SPATA6: variants seen among roughly 807,000 people sequenced by gnomAD.
SPATA6 encodes spermatogenesis associated 6.
SPATA6 carries 56 observed loss-of-function variants against 65.3 expected under a neutral mutation model. The observed-to-expected ratio is 0.86, with a 90% CI of 0.69 to 1.07. The LOEUF (loss-of-function observed/expected upper bound fraction) is 1.07, where lower values mean the gene tolerates loss of function less well. Among genes scored for constraint, SPATA6 ranks in the 50% least tolerant of loss-of-function variants. The pLI is 0.00. For missense variants in SPATA6, 590 were observed against 594.8 expected, an observed-to-expected ratio of 0.99 and a Z score of 0.08; for synonymous variants, 199 against 213.2, an observed-to-expected ratio of 0.93 and a Z score of 0.58.
At chr1:48,460,464 G>C (rs565642304) in intron 1 of SPATA6, among the ~76,000 whole-genome samples, 42 of 152,064 alleles carry the variant, frequency 2.8e-4, no homozygotes, top group Non-Finnish European at 5.7e-4. Flanking sequence ...AAACATACTT[G>C]ACACTGAAAG....
intron 8 of SPATA6, 101 bp from the exon 9 acceptor site, chr1:48,385,450 TCA>T (rs1649365291): frequency 1.0e-6 from 1 of 1,002,838 alleles, no homozygotes; most frequent in African/African-American, 1.7e-5. Flanking sequence ...TCAGAATATT[TCA>T]GAGATACTTC....
At chr1:48,388,966 A>G (rs911862941) in intron 8 of SPATA6, among the ~76,000 whole-genome samples, 7 of 151,794 alleles carry the variant, frequency 4.6e-5, no homozygotes, top group African/African-American at 1.5e-4. Flanking sequence ...GCTCATTGCA[A>G]TCTCTGTCTC....
At chr1:48,422,290 G>T (rs1413899015) in intron 3 of SPATA6, among the ~76,000 whole-genome samples, 1 of 152,166 alleles carries the variant, frequency 6.6e-6, no homozygotes, top group African/African-American at 2.4e-5. Context: ...GAATGACAAA[G>T]CCAAGATCTG....
At chr1:48,270,194 G>A in the SPATA6 span, among the ~76,000 whole-genome samples, 11 of 152,024 alleles carry the variant, frequency 7.2e-5, no homozygotes, top group Non-Finnish European at 1.3e-4. Flanking sequence ...ACATAACTCC[G>A]GTGCCCATGA....
At chr1:48,384,466 TC>T (rs1228983955) in intron 9 of SPATA6, among the ~76,000 whole-genome samples, 2 of 145,798 alleles carry the variant, frequency 1.4e-5, no homozygotes, top group African/African-American at 5.1e-5. Flanking sequence ...ACACTTACTA[TC>T]AAGATACTTT....
chr1:48,309,518 A>T (rs1490874834), intron 11 of SPATA6, among the ~76,000 whole-genome samples: 2 of 152,164 alleles, frequency 1.3e-5, no homozygotes, highest in Admixed American at 6.5e-5. Flanking sequence ...TTGAAATTTT[A>T]TATTTTATGA....
intron 11 of SPATA6, among the ~76,000 whole-genome samples, chr1:48,320,211 C>A (rs1418104): frequency 6.6e-6 from 1 of 152,084 alleles, no homozygotes; most frequent in South Asian, 2.1e-4. Flanking sequence ...GGGATAATAA[C>A]AGAGAACTTC....
intron 3 of SPATA6, among the ~76,000 whole-genome samples, chr1:48,433,914 T>G (rs1265638490): frequency 1.3e-5 from 2 of 152,150 alleles, no homozygotes; most frequent in African/African-American, 4.8e-5. Flanking sequence ...GCAGGAGCTC[T>G]AATAAAACTG....
chr1:48,438,922 G>C (rs996622516), intron 3 of SPATA6, among the ~76,000 whole-genome samples: 4 of 152,144 alleles, frequency 2.6e-5, no homozygotes, highest in Admixed American at 2.0e-4. Flanking sequence ...TCCTTCCTCA[G>C]ACTAGCAGGC....
chr1:48,314,425 C>T (rs1404423752), intron 11 of SPATA6, among the ~76,000 whole-genome samples: 1 of 152,098 alleles, frequency 6.6e-6, no homozygotes, highest in Non-Finnish European at 1.5e-5. Context: ...ACTGAACAAC[C>T]TGCTCCTGAA....
At chr1:48,354,068 T>A (rs779297094) in intron 11 of SPATA6, among the ~76,000 whole-genome samples, 23 of 152,068 alleles carry the variant, frequency 1.5e-4, no homozygotes, top group Non-Finnish European at 2.5e-4. Flanking sequence ...GAACAAATGA[T>A]GTGAACACAA....
chr1:48,354,194 G>A (rs898660967), intron 11 of SPATA6, among the ~76,000 whole-genome samples: 3 of 152,004 alleles, frequency 2.0e-5, no homozygotes, highest in Non-Finnish European at 2.9e-5. Flanking sequence ...AAAACACAGA[G>A]AAGCACAGAG....
intron 3 of SPATA6, chr1:48,436,983 T>C (rs1461435296): frequency 6.2e-7 from 1 of 1,611,276 alleles, no homozygotes; most frequent in Non-Finnish European, 8.5e-7. Flanking sequence ...AAACTTTCTC[T>C]CCTGCCTTCT....
At chr1:48,281,000 T>C in the SPATA6 span, among the ~76,000 whole-genome samples, 1 of 152,176 alleles carries the variant, frequency 6.6e-6, no homozygotes, top group Non-Finnish European at 1.5e-5. Flanking sequence ...CAAGTGGGCT[T>C]CATCCCTGGG....
chr1:48,381,513 A>G (rs570207388), intron 9 of SPATA6, among the ~76,000 whole-genome samples: 1 of 152,112 alleles, frequency 6.6e-6, no homozygotes, highest in Non-Finnish European at 1.5e-5. Context: ...TATCATAGTT[A>G]AAGTATGGCA....
rs755118450 is a variant in SPATA6, at chr1:48,421,275, G to A, written c.239-8124C>T. On this transcript the variant is annotated intron_variant, in intron 3 of 12. Transcript: ENST00000371847. ...TATCCTAATTTGATCATTACACAAT[G>A]TATAAATGTATTAAAATTTCATATG... Among the ~76,000 whole-genome samples, 63 of 151,326 alleles carry A rather than the reference G, an allele frequency of 4.2e-4. 1 individual carries two copies. The highest frequency in any genetic ancestry group is 1.3e-3 in the South Asian group (6 of 4,716).
intron 11 of SPATA6, among the ~76,000 whole-genome samples, chr1:48,347,459 ATATAT>A (rs1646397713): frequency 7.0e-6 from 1 of 143,234 alleles, no homozygotes; most frequent in Admixed American, 7.0e-5. Context: ...TATATAATGT[ATATAT>A]AATATAATAT....
At chr1:48,438,419 A>G (rs893213289) in intron 3 of SPATA6, among the ~76,000 whole-genome samples, 1 of 152,210 alleles carries the variant, frequency 6.6e-6, no homozygotes, top group African/African-American at 2.4e-5. Flanking sequence ...CTAAAGACCC[A>G]GTTGTCAGGC....
intron 11 of SPATA6, among the ~76,000 whole-genome samples, chr1:48,338,137 A>C (rs1210527552): frequency 1.3e-5 from 2 of 152,064 alleles, no homozygotes; most frequent in African/African-American, 4.8e-5. Context: ...ATAAAATAGA[A>C]GAAAATCAAG....
Sources: gnomAD v4.1 joint callset for allele counts (sites outside exome capture counted in the v4.1 genomes callset) on GRCh38, gnomAD v4.1.1 for gene constraint, MANE v1.5 for transcripts, NCBI Gene and HGNC (gene_info 2026-07-23, HGNC 2026-07-21) for gene names.